Variants in MCM5 observed in about 807,000 individuals in gnomAD.
MCM5 encodes minichromosome maintenance complex component 5.
A neutral mutation model predicts 79.9 loss-of-function variants in MCM5; 46 were observed. The ratio of observed to expected loss-of-function variants is 0.58; its 90% CI spans 0.45 to 0.74. The LOEUF (loss-of-function observed/expected upper bound fraction) is 0.74, where lower values mean the gene tolerates loss of function less well. Among genes scored for constraint, MCM5 ranks in the 30% least tolerant of loss-of-function variants. The pLI is 0.00. For synonymous variants in MCM5, 404 were observed against 390.5 expected (o/e 1.03, Z -0.41); for missense variants, 883 against 1,017.0 (o/e 0.87, Z 1.79).
At chr22:35,428,328 A>G (rs866677756), downstream of MCM5, among the ~76,000 whole-genome samples, 2 of 151,044 alleles carry the variant, frequency 1.3e-5, no homozygotes, top group Admixed American at 1.3e-4. Flanking sequence ...GGCCTATTTT[A>G]TTATTTTTTT....
chr22:35,401,117 G>T (rs576245514), intron 2 of MCM5, among the ~76,000 whole-genome samples: 1 of 152,358 alleles, frequency 6.6e-6, no homozygotes, highest in African/African-American at 2.4e-5. Context: ...ACCGTGCCCG[G>T]CCTGCTTTGT....
the MCM5 span, among the ~76,000 whole-genome samples, chr22:35,449,298 G>A: frequency 6.6e-6 from 1 of 152,228 alleles, no homozygotes. Flanking sequence ...AAACGAAGCA[G>A]AAATGAATCG....
chr22:35,420,069 G>A, intron 14 of MCM5, 57 bp downstream of exon 14: 1 of 1,535,034 alleles, frequency 6.5e-7, no homozygotes, highest in Non-Finnish European at 8.8e-7. Flanking sequence ...ACACAGCAGG[G>A]TGTGCTTGGC....
chr22:35,450,816 G>A, the MCM5 span, among the ~76,000 whole-genome samples: 1 of 152,126 alleles, frequency 6.6e-6, no homozygotes, highest in Non-Finnish European at 1.5e-5. Context: ...GAAAAACCCG[G>A]GTCCATCTGA....
chr22:35,402,689 G>A (rs186362892), intron 2 of MCM5, among the ~76,000 whole-genome samples: 157 of 152,160 alleles, frequency 1.0e-3, no homozygotes, highest in Non-Finnish European at 1.5e-3. Context: ...GACTACAGGC[G>A]TATGCTACCA....
At chr22:35,438,144 A>G in the MCM5 span, among the ~76,000 whole-genome samples, 1 of 152,240 alleles carries the variant, frequency 6.6e-6, no homozygotes, top group African/African-American at 2.4e-5. Flanking sequence ...GGTATGTGTA[A>G]ATAACCCTGC....
At chr22:35,406,851 G>A (rs4645760) in intron 5 of MCM5, 126 bp downstream of exon 5, 70,161 of 983,404 alleles carry the variant, frequency 0.071, 2,960 homozygotes, top group Non-Finnish European at 0.082. Context: ...GGGCAGGGGT[G>A]TGCCCTTAGG....
chr22:35,400,359 A>T, intron 1 of MCM5, 72 bp from the exon 2 acceptor site: 1 of 1,565,738 alleles, frequency 6.4e-7, no homozygotes, highest in Non-Finnish European at 8.8e-7. Flanking sequence ...CAGGGCAGGG[A>T]CCCAGGCGTC....
chr22:35,426,908 T>C (rs1297761390), downstream of MCM5, among the ~76,000 whole-genome samples: 1 of 152,172 alleles, frequency 6.6e-6, no homozygotes, highest in Non-Finnish European at 1.5e-5. Flanking sequence ...CCACCCCTTC[T>C]CCAGTTCCAG....
chr22:35,439,282 TC>T, the MCM5 span, among the ~76,000 whole-genome samples: 1 of 151,650 alleles, frequency 6.6e-6, no homozygotes, highest in Non-Finnish European at 1.5e-5. Flanking sequence ...CATCCATCCA[TC>T]CATCTACCTG....
the MCM5 span, among the ~76,000 whole-genome samples, chr22:35,439,272 C>G: frequency 2.0e-5 from 3 of 151,980 alleles, no homozygotes; most frequent in Middle Eastern, 3.4e-3. Flanking sequence ...TCCATCCAAT[C>G]ATCCATCCAT....
chr22:35,434,672 T>G, the MCM5 span, among the ~76,000 whole-genome samples: 4 of 152,182 alleles, frequency 2.6e-5, no homozygotes, highest in African/African-American at 9.7e-5. Context: ...GGAGGAACTA[T>G]TAGTGAATGC....
intron 2 of MCM5, among the ~76,000 whole-genome samples, chr22:35,401,109 C>T (rs1346222024): frequency 2.0e-5 from 3 of 152,222 alleles, no homozygotes; most frequent in African/African-American, 4.8e-5. Context: ...CGTGAGCCAC[C>T]GTGCCCGGCC....
chr22:35,404,552 G>A (rs1280883443), intron 4 of MCM5, among the ~76,000 whole-genome samples: 3 of 152,120 alleles, frequency 2.0e-5, no homozygotes, highest in African/African-American at 7.2e-5. Flanking sequence ...TTCACATACC[G>A]GGCAAGAACG....
chr22:35,421,253 G>A (rs1932684128), intron 14 of MCM5, 65 bp from the exon 15 acceptor site: 10 of 1,544,338 alleles, frequency 6.5e-6, no homozygotes, highest in African/African-American at 1.4e-5. Flanking sequence ...CCCTGGTAAC[G>A]GGCTGGCTGG....
At chr22:35,450,929 A>G in the MCM5 span, among the ~76,000 whole-genome samples, 2 of 152,194 alleles carry the variant, frequency 1.3e-5, no homozygotes, top group African/African-American at 4.8e-5. Flanking sequence ...CCCTCAGGAA[A>G]CAAAGAGAGT....
rs776392437 is a variant in MCM5, at chr22:35,423,235, A to G, written c.1997A>G (p.Gln666Arg). 5.0e-6 allele frequency: 8 copies of G among 1,593,842 alleles called. No individual in the cohort carries two copies. Among genetic ancestry groups the G allele is most frequent in the Non-Finnish European group, 5.1e-6 (6 of 1,166,878 alleles). ...TLSGVEGFTS[Q>R]EDQEMLSRIE... ...ACAGGGGTGGAGGGCTTCACCAGCC[A>G]GGAGGACCAGGAGATGCTGAGCCGC... Residue 666 changes from glutamine (Q) to arginine (R), a missense_variant, in exon 16 of 17, where the codon CAG (glutamine) becomes CGG (arginine). Around this residue, in one of 3 missense-constraint regions of MCM5, gnomAD observed 426 missense variants for 482.3 expected, o/e 0.88. Coordinates refer to ENST00000216122, the MANE Select transcript of MCM5 (RefSeq NM_006739.4).
intron 4 of MCM5, among the ~76,000 whole-genome samples, chr22:35,405,857 A>G (rs1932196249): frequency 2.0e-5 from 3 of 151,942 alleles, no homozygotes; most frequent in African/African-American, 7.2e-5. Flanking sequence ...TAAAAATACA[A>G]AAAGTTAGCT....
intron 7 of MCM5, among the ~76,000 whole-genome samples, chr22:35,412,077 C>T (rs1191501716): frequency 6.6e-6 from 1 of 152,204 alleles, no homozygotes; most frequent in Non-Finnish European, 1.5e-5. Flanking sequence ...TCATCCTCCC[C>T]ACCTGCTCTG....
Sources: gnomAD v4.1 joint callset for allele counts (sites outside exome capture counted in the v4.1 genomes callset) on GRCh38, gnomAD v4.1.1 for gene constraint, gnomAD v4.1.1 regional missense constraint, MANE v1.5 for transcripts, NCBI Gene and HGNC (gene_info 2026-07-23, HGNC 2026-07-21) for gene names.